SRGAP3: variants seen among roughly 807,000 people sequenced by gnomAD.
The protein encoded by SRGAP3 is SLIT-ROBO Rho GTPase-activating protein 3.
A neutral mutation model predicts 121.1 loss-of-function variants in SRGAP3; 39 were observed. The observed-to-expected ratio is 0.32, with a 90% CI of 0.25 to 0.42. The LOEUF (loss-of-function observed/expected upper bound fraction) is 0.42, where lower values mean the gene tolerates loss of function less well. Ranked by LOEUF, SRGAP3 falls within the 10% of genes least tolerant of loss-of-function variation. The pLI is 1.00. For missense variants in SRGAP3, 1,213 were observed against 1,470.6 expected (o/e 0.82, Z 2.86); for synonymous variants, 601 against 570.0 (o/e 1.05, Z -0.77).
chr3:9,207,319 C>A (rs1017786193), intron 1 of SRGAP3, among the ~76,000 whole-genome samples: 1 of 152,156 alleles, frequency 6.6e-6, no homozygotes, highest in Admixed American at 6.5e-5. Context: ...TAGACAGTGG[C>A]AACAAAGAAA....
intron 12 of SRGAP3, 126 bp downstream of exon 12, chr3:9,032,524 G>T: frequency 1.2e-6 from 1 of 847,464 alleles, no homozygotes; most frequent in East Asian, 2.5e-5. Context: ...AGAGCAGGCT[G>T]CAGTGAGGAA....
chr3:9,253,920 T>C (rs1209575310), upstream of SRGAP3, among the ~76,000 whole-genome samples: 1 of 152,228 alleles, frequency 6.6e-6, no homozygotes, highest in Non-Finnish European at 1.5e-5. Flanking sequence ...GTTTTGATGG[T>C]ACAGTTGTTT....
At chr3:9,259,229 C>T (rs1954201613) in intron 3 of SRGAP3, among the ~76,000 whole-genome samples, 1 of 151,906 alleles carries the variant, frequency 6.6e-6, no homozygotes, top group South Asian at 2.1e-4. Flanking sequence ...TTTCATATGG[C>T]TACCACATTT....
Position 9,335,872 on chromosome 3 carries a change from A to T in SRGAP3, n.215-5276T>A, listed in dbSNP as rs563216743. 8.6e-4 allele frequency among the ~76,000 whole-genome samples: 130 copies of T among 151,710 alleles called. 2 individuals carry two copies. The highest frequency in any genetic ancestry group is 2.9e-3 in the African/African-American group (119 of 41,356). ...GATTTTTCTTCGTTTTCTTATTATT[A>T]TTTTTTTTAGTCAGTCTCTTGCTTA... On this transcript the variant is annotated intron_variant and non_coding_transcript_variant, in intron 1 of 3. Transcript: ENST00000490889.
Position 9,009,571 on chromosome 3 carries a change from C to T in SRGAP3, c.2227+737G>A, listed in dbSNP as rs924808485. ...ACATTTTAGTGGACCTCTACAAGTA[C>T]CATGGGCCCTTGGCACTATGCCTAC... On this transcript the variant is annotated intron_variant, in intron 18 of 21. Coordinates refer to ENST00000383836, the MANE Select transcript of SRGAP3 (RefSeq NM_014850.4). 3.3e-5 allele frequency among the ~76,000 whole-genome samples: 5 copies of T among 152,234 alleles called. No homozygotes were observed. In the East Asian group the frequency reaches 9.6e-4, roughly 29 times the overall value.
intron 1 of SRGAP3, among the ~76,000 whole-genome samples, chr3:9,225,487 C>A (rs1196008961): frequency 6.6e-6 from 1 of 152,168 alleles, no homozygotes; most frequent in African/African-American, 2.4e-5. Context: ...TGGAGCCATA[C>A]AATAGAACAG....
At chr3:9,238,029 A>C (rs867038346) in intron 1 of SRGAP3, among the ~76,000 whole-genome samples, 1 of 152,100 alleles carries the variant, frequency 6.6e-6, no homozygotes, top group Non-Finnish European at 1.5e-5. Context: ...AACTGGGAGC[A>C]GGGATGCTAC....
intron 12 of SRGAP3, among the ~76,000 whole-genome samples, chr3:9,031,503 T>C (rs1944479906): frequency 2.0e-5 from 3 of 152,170 alleles, no homozygotes. Context: ...CCCTGGGCAG[T>C]CCCAACTTGG....
chr3:9,266,855 T>C (rs1258472741), intron 3 of SRGAP3, among the ~76,000 whole-genome samples: 2 of 152,154 alleles, frequency 1.3e-5, no homozygotes, highest in African/African-American at 4.8e-5. Flanking sequence ...ATTTGGGCTT[T>C]ATGGAATGTG....
At position 9,095,811 on chromosome 3, in the gene SRGAP3, T is replaced by A. The variant is rs191954024; in HGVS notation, c.423+8869A>T. 7.7e-4 allele frequency among the ~76,000 whole-genome samples: 117 copies of A among 152,304 alleles called. 1 individual carries two copies. The highest frequency in any genetic ancestry group is 1.8e-3 in the Admixed American group (27 of 15,306). ...TGCGAGGTACAGTGGCTCATGCCTA[T>A]AATTCCAGCACTTTGGGAGGCTGAG... On this transcript the variant is annotated intron_variant, in intron 3 of 21. Coordinates refer to ENST00000383836, the MANE Select transcript of SRGAP3 (RefSeq NM_014850.4).
At chr3:9,027,032 G>A in intron 12 of SRGAP3, 37 bp from the exon 13 acceptor site, 1 of 1,591,452 alleles carries the variant, frequency 6.3e-7, no homozygotes, top group Non-Finnish European at 8.6e-7. Context: ...TATGGGGCTT[G>A]ACAACCACCA....
intron 3 of SRGAP3, among the ~76,000 whole-genome samples, chr3:9,303,380 G>A (rs1022633414): frequency 2.0e-5 from 3 of 148,598 alleles, no homozygotes; most frequent in Non-Finnish European, 4.4e-5. Context: ...AGCTGAGATC[G>A]CACCACTGCA....
rs368339585 is a variant in SRGAP3, at chr3:8,990,505, C to T, written c.2886+7G>A. The T allele has an allele frequency of 1.3e-4, 200 of 1,552,290 alleles. 1 individual carries two copies. The highest frequency in any genetic ancestry group is 1.9e-5 in the Non-Finnish European group (22 of 1,148,154). On this transcript the variant is annotated splice_region_variant and intron_variant, in intron 21 of 21. Coordinates refer to ENST00000383836, the MANE Select transcript of SRGAP3 (RefSeq NM_014850.4). ...GCTGCCCAGCCTGCCTTCCCGCTGG[C>T]CCTTACTTCTGCCAGGGCCTCGGCC...
intron 3 of SRGAP3, among the ~76,000 whole-genome samples, chr3:9,305,526 A>AT (rs1302467758): frequency 6.6e-6 from 1 of 151,870 alleles, no homozygotes; most frequent in Non-Finnish European, 1.5e-5. Flanking sequence ...TGTCATTTAC[A>AT]TTAGATATTT....
Position 8,990,607 on chromosome 3 carries a change from G to A in SRGAP3, c.2791C>T (p.Leu931Phe). 2 of 1,611,120 alleles carry A rather than the reference G, an allele frequency of 1.2e-6. No homozygotes were observed. The highest frequency in any genetic ancestry group is 1.7e-6 in the Non-Finnish European group (2 of 1,178,910). The change falls in exon 21 of 22, where the codon CTC (leucine) becomes TTC (phenylalanine). Residue 931 changes from leucine to phenylalanine, a missense_variant. Coordinates refer to ENST00000383836, the MANE Select transcript of SRGAP3 (RefSeq NM_014850.4). ...GACCTCATCGAGTGCCCTTCGGAGA[G>A]CGCCTTCTTGTCAGGGTAGTTGATG... ...GSINYPDKKA[L>F]SEGHSMRSTC...
chr3:9,259,576 G>T (rs113687710), intron 3 of SRGAP3, among the ~76,000 whole-genome samples: 1,806 of 152,170 alleles, frequency 0.012, 29 homozygotes, highest in African/African-American at 0.041. Context: ...CCAAAATGTT[G>T]GGATTACAGG....
intron 12 of SRGAP3, chr3:9,028,010 A>AACAG: frequency 6.7e-7 from 1 of 1,494,294 alleles, no homozygotes; most frequent in Non-Finnish European, 9.3e-7. Context: ...ACCCATCAGC[A>AACAG]ACAGGCAAGG....
chr3:8,999,030 A>G (rs376027), intron 18 of SRGAP3, among the ~76,000 whole-genome samples: 90,988 of 152,096 alleles, frequency 0.6, 28,052 homozygotes, highest in African/African-American at 0.75. Flanking sequence ...TGTACAGTGT[A>G]AATTGACTAT....
At chr3:9,167,158 GA>G (rs1950816148) in intron 1 of SRGAP3, among the ~76,000 whole-genome samples, 2 of 152,176 alleles carry the variant, frequency 1.3e-5, no homozygotes, top group South Asian at 4.1e-4. Context: ...CTGGGCAGGA[GA>G]AAGGGGGAGG....
Sources: gnomAD v4.1 joint callset for allele counts (sites outside exome capture counted in the v4.1 genomes callset) on GRCh38, gnomAD v4.1.1 for gene constraint, MANE v1.5 for transcripts, NCBI Gene and HGNC (gene_info 2026-07-23, HGNC 2026-07-21) for gene names.